The following PCDHA3 variants were observed in gnomAD, a reference collection of about 807,000 sequenced individuals.
PCDHA3 encodes the protein protocadherin alpha 3.
PCDHA3 carries 41 observed loss-of-function variants against 62.2 expected under a neutral mutation model. The observed-to-expected ratio is 0.66, with a 90% CI of 0.51 to 0.86. PCDHA3 has a LOEUF of 0.86. PCDHA3 is among the 40% of genes least tolerant of loss of function. The pLI is 0.00. For synonymous variants in PCDHA3, 640 were observed against 555.4 expected, an observed-to-expected ratio of 1.15 and a Z score of -2.14; for missense variants, 1,304 against 1,241.2, an observed-to-expected ratio of 1.05 and a Z score of -0.76.
At chr5:140,875,958 C>G (rs1312300687) in intron 1 of PCDHA3, 4 of 1,614,080 alleles carry the variant, frequency 2.5e-6, no homozygotes, top group Non-Finnish European at 3.4e-6. Flanking sequence ...ATGCGGATAT[C>G]GGCGTAAACT....
At chr5:140,900,100 A>G (rs1453942019) in intron 1 of PCDHA3, among the ~76,000 whole-genome samples, 1 of 152,162 alleles carries the variant, frequency 6.6e-6, no homozygotes, top group African/African-American at 2.4e-5. Flanking sequence ...ATGCGCCACC[A>G]TACCTGGCCT....
At chr5:140,882,105 A>G in intron 1 of PCDHA3, 1 of 1,349,526 alleles carries the variant, frequency 7.4e-7, no homozygotes, top group Admixed American at 2.5e-5. Flanking sequence ...GTTTCCGCGA[A>G]GAAAGCCGCC....
chr5:140,913,764 T>C (rs2076457452), intron 1 of PCDHA3, among the ~76,000 whole-genome samples: 1 of 152,162 alleles, frequency 6.6e-6, no homozygotes, highest in Admixed American at 6.5e-5. Flanking sequence ...TCATAGGTTT[T>C]GGCATGTTGT....
At chr5:140,964,013 A>G (rs155811) in intron 1 of PCDHA3, among the ~76,000 whole-genome samples, 53,810 of 151,994 alleles carry the variant, frequency 0.35, 9,678 homozygotes, top group East Asian at 0.53. Context: ...TTTTTAATAG[A>G]GAGCTCTTGA....
At chr5:140,998,722 G>A (rs572133347) in intron 3 of PCDHA3, among the ~76,000 whole-genome samples, 4 of 152,002 alleles carry the variant, frequency 2.6e-5, no homozygotes, top group Non-Finnish European at 4.4e-5. Flanking sequence ...GCACCACCAC[G>A]CTAGGCTAAT....
At chr5:140,846,321 T>C (rs1780323093) in intron 1 of PCDHA3, among the ~76,000 whole-genome samples, 1 of 149,102 alleles carries the variant, frequency 6.7e-6, no homozygotes, top group Admixed American at 6.7e-5. Context: ...TGTAGAGTGT[T>C]GTAAATAGCC....
At chr5:140,966,874 A>C (rs782520756) in intron 1 of PCDHA3, 275 of 1,584,454 alleles carry the variant, frequency 1.7e-4, no homozygotes, top group Non-Finnish European at 2.3e-4. Flanking sequence ...TGCTGCTGCT[A>C]CCTGGCCCTG....
chr5:140,869,484 C>G (rs782167038), intron 1 of PCDHA3: 2 of 1,613,948 alleles, frequency 1.2e-6, no homozygotes, highest in Non-Finnish European at 1.7e-6. Context: ...AGGACATTAA[C>G]GACAACCCGC....
chr5:140,990,649 T>A (rs1465284882), intron 3 of PCDHA3, among the ~76,000 whole-genome samples: 1 of 152,330 alleles, frequency 6.6e-6, no homozygotes, highest in South Asian at 2.1e-4. Context: ...TCAGCCAGTA[T>A]GAATGATTTA....
At chr5:140,962,084 A>G (rs541325949) in intron 1 of PCDHA3, among the ~76,000 whole-genome samples, 1 of 152,028 alleles carries the variant, frequency 6.6e-6, no homozygotes, top group African/African-American at 2.4e-5. Flanking sequence ...ACGGGGTTTC[A>G]CCATGTTAGC....
rs201435940 is a variant in PCDHA3, at chr5:140,871,358, A to G, written c.2394+67767A>G. On this transcript the variant is annotated intron_variant, in intron 1 of 3. Transcript: ENST00000522353. The stretch of plus-strand genomic sequence containing the variant: ...GTGGGGAGCTGGTCATACTCGCAGC[A>G]GAGGCGGCAGAGGGTGTGCTCTGAG... 13 of 1,614,208 alleles carry G rather than the reference A, an allele frequency of 8.1e-6. No homozygotes were observed. In the East Asian group the frequency reaches 2.9e-4, roughly 36 times the overall value.
At chr5:140,869,718 T>C in intron 1 of PCDHA3, 1 of 1,613,408 alleles carries the variant, frequency 6.2e-7, no homozygotes, top group Non-Finnish European at 8.5e-7. Context: ...GAGAGAAAAC[T>C]CCGGAACTTA....
intron 1 of PCDHA3, chr5:140,862,642 G>A: frequency 1.8e-6 from 1 of 540,964 alleles, no homozygotes; most frequent in South Asian, 1.4e-5. Context: ...CGACTTCACA[G>A]TGTCCGCGCG....
chr5:140,869,429 T>C lies in PCDHA3; in HGVS notation c.2394+65838T>C, dbSNP rs1006497068. ...GAGTGCAGCATCCACCTGGAGGTGA[T>C]CGTGGACAGGCCGCTGCAGGTTTTC... is the stretch of plus-strand genomic sequence containing the variant. On this transcript the variant is annotated intron_variant, in intron 1 of 3. Coordinates refer to ENST00000522353, the MANE Select transcript of PCDHA3 (RefSeq NM_018906.3). The C allele has an allele frequency of 2.2e-5, 35 of 1,614,074 alleles. No homozygotes were observed. The highest frequency in any genetic ancestry group is 3.0e-5 in the Non-Finnish European group (35 of 1,180,048).
At chr5:140,837,724 T>G (rs1466080737) in intron 1 of PCDHA3, among the ~76,000 whole-genome samples, 2 of 151,672 alleles carry the variant, frequency 1.3e-5, no homozygotes, top group African/African-American at 2.4e-5. Flanking sequence ...CCCAGGCTGC[T>G]GAAATGCAGT....
In PCDHA3 at chr5:140,808,531, G is replaced by C. The variant is rs1554124620; in HGVS notation, c.2394+4940G>C. 1.9e-6 allele frequency: 3 copies of C among 1,614,180 alleles called. No individual in the cohort carries two copies. In the South Asian group the frequency reaches 3.3e-5, roughly 18 times the overall value. ...GTGTTTCTGTGGAGGTGGCTGATGT[G>C]AACGACAACGCTCCGGCGTTCGCGC... On this transcript the variant is annotated intron_variant, in intron 1 of 3. Coordinates refer to ENST00000522353, the MANE Select transcript of PCDHA3 (RefSeq NM_018906.3).
intron 1 of PCDHA3, among the ~76,000 whole-genome samples, chr5:140,938,866 G>A (rs1372323218): frequency 2.6e-5 from 4 of 152,040 alleles, no homozygotes; most frequent in African/African-American, 9.7e-5. Context: ...GAACTTAAAA[G>A]TTAAGAAGCA....
At chr5:140,869,605 T>C (rs782447414) in intron 1 of PCDHA3, 132 of 1,613,940 alleles carry the variant, frequency 8.2e-5, no homozygotes, top group Non-Finnish European at 1.1e-4. Context: ...GAATGCTCTA[T>C]TGACCTACAG....
At chr5:140,956,020 T>C (rs2095249402) in intron 1 of PCDHA3, among the ~76,000 whole-genome samples, 1 of 152,240 alleles carries the variant, frequency 6.6e-6, no homozygotes, top group Non-Finnish European at 1.5e-5. Context: ...TTTGCTGAAG[T>C]TGCTTATCAG....
Sources: gnomAD v4.1 joint callset for allele counts (sites outside exome capture counted in the v4.1 genomes callset) on GRCh38, gnomAD v4.1.1 for gene constraint, MANE v1.5 for transcripts, NCBI Gene and HGNC (gene_info 2026-07-23, HGNC 2026-07-21) for gene names.